Variants in TRPS1 observed in about 807,000 individuals in gnomAD.
TRPS1 encodes transcriptional repressor GATA binding 1, also known as zinc finger transcription factor Trps1.
TRPS1 carries 6 observed loss-of-function variants against 101.2 expected under a neutral mutation model. That is an observed-to-expected ratio of 0.06 (90% CI 0.03 to 0.12). The LOEUF (loss-of-function observed/expected upper bound fraction) is 0.12, where lower values mean the gene tolerates loss of function less well. Ranked by LOEUF, TRPS1 falls within the 10% of genes least tolerant of loss-of-function variation. The pLI is 1.00. For synonymous variants in TRPS1, 578 were observed against 589.8 expected, an observed-to-expected ratio of 0.98 and a Z score of 0.29; for missense variants, 1,363 against 1,567.0, an observed-to-expected ratio of 0.87 and a Z score of 2.20.
At chr8:115,574,985 A>T (rs1817283675) in intron 5 of TRPS1, among the ~76,000 whole-genome samples, 1 of 152,152 alleles carries the variant, frequency 6.6e-6, no homozygotes, top group East Asian at 1.9e-4. Context: ...ATGGAAGCCA[A>T]GAAATAATAC....
At chr8:115,614,925 A>G (rs1818244940) in intron 3 of TRPS1, among the ~76,000 whole-genome samples, 1 of 152,182 alleles carries the variant, frequency 6.6e-6, no homozygotes, top group South Asian at 2.1e-4. Context: ...CATGTTAAAG[A>G]TCTATAAACT....
chr8:115,552,391 A>G (rs1287871374), intron 5 of TRPS1, among the ~76,000 whole-genome samples: 3 of 152,146 alleles, frequency 2.0e-5, no homozygotes, highest in African/African-American at 4.8e-5. Context: ...AAAAAAATGA[A>G]AAGATATTCT....
intron 5 of TRPS1, among the ~76,000 whole-genome samples, chr8:115,535,731 G>T (rs1393442525): frequency 6.6e-6 from 1 of 150,398 alleles, no homozygotes; most frequent in Non-Finnish European, 1.5e-5. Context: ...TATATGCTAA[G>T]TTTTTTCATA....
chr8:115,659,463 T>C lies in TRPS1; in HGVS notation c.-122+9082A>G, dbSNP rs148403395. ...AGGTAAAACATATCATTTTAAAAGA[T>C]CTCAAAGGTATATCAAAAAATAATC... On this transcript the variant is annotated intron_variant, in intron 1 of 6. Transcript: ENST00000395715. Among the ~76,000 whole-genome samples, 372 of 151,818 alleles carry C rather than the reference T, an allele frequency of 2.5e-3. 5 individuals are homozygous for C. Among genetic ancestry groups the C allele is most frequent in the African/African-American group, 8.1e-3 (338 of 41,488 alleles).
At chr8:115,594,634 T>G (rs1817747919) in intron 4 of TRPS1, among the ~76,000 whole-genome samples, 1 of 152,032 alleles carries the variant, frequency 6.6e-6, no homozygotes, top group Non-Finnish European at 1.5e-5. Flanking sequence ...TCTTATCTAC[T>G]TTATAGAATT....
intron 5 of TRPS1, among the ~76,000 whole-genome samples, chr8:115,579,995 T>C (rs1414846756): frequency 6.6e-6 from 1 of 152,074 alleles, no homozygotes; most frequent in Non-Finnish European, 1.5e-5. Context: ...TCCTTGTATT[T>C]GTAAATTATA....
At chr8:115,473,865 G>C (rs1434285878) in intron 5 of TRPS1, among the ~76,000 whole-genome samples, 1 of 152,146 alleles carries the variant, frequency 6.6e-6, no homozygotes, top group Non-Finnish European at 1.5e-5. Flanking sequence ...TATGATTTAT[G>C]TAAGTTTCAT....
intron 5 of TRPS1, among the ~76,000 whole-genome samples, chr8:115,511,842 G>C (rs1299708439): frequency 1.3e-5 from 2 of 151,706 alleles, no homozygotes; most frequent in Non-Finnish European, 2.9e-5. Context: ...AACTATATGT[G>C]GTAGAGGACA....
At chr8:115,587,982 G>A (rs960453499) in intron 4 of TRPS1, among the ~76,000 whole-genome samples, 3 of 152,164 alleles carry the variant, frequency 2.0e-5, no homozygotes, top group African/African-American at 7.2e-5. Context: ...CTTGATAGAT[G>A]CAGTTTACCC....
At chr8:115,581,186 G>C (rs1191460696) in intron 5 of TRPS1, among the ~76,000 whole-genome samples, 1 of 151,248 alleles carries the variant, frequency 6.6e-6, no homozygotes, top group Admixed American at 6.6e-5. Context: ...CTTATATGTG[G>C]AAGCTAAAAA....
intron 5 of TRPS1, among the ~76,000 whole-genome samples, chr8:115,450,985 A>C (rs895120344): frequency 6.6e-5 from 10 of 152,236 alleles, no homozygotes; most frequent in East Asian, 5.8e-4. Flanking sequence ...CTGTTACCCC[A>C]AAAGTGTACA....
In TRPS1 at chr8:115,455,210, T is replaced by C. The variant is rs78619034; in HGVS notation, c.2701-36758A>G. 2.3e-3 allele frequency among the ~76,000 whole-genome samples: 353 copies of C among 152,298 alleles called. 2 individuals carry two copies. Among genetic ancestry groups the C allele is most frequent in the Non-Finnish European group, 4.1e-3 (277 of 68,026 alleles). The stretch of plus-strand genomic sequence containing the variant: ...AAGAAATGTAAATAACTGTGTAAAA[T>C]CTCAGGTTGTAGCACTGCCTGCAAC... On this transcript the variant is annotated intron_variant, in intron 5 of 6. Coordinates refer to ENST00000395715, the MANE Select transcript of TRPS1 (RefSeq NM_014112.5).
intron 5 of TRPS1, among the ~76,000 whole-genome samples, chr8:115,503,292 A>G (rs1211944215): frequency 6.6e-6 from 1 of 151,824 alleles, no homozygotes; most frequent in Non-Finnish European, 1.5e-5. Flanking sequence ...CTACTTAAAG[A>G]TGCCACACCA....
intron 5 of TRPS1, among the ~76,000 whole-genome samples, chr8:115,488,551 T>C (rs934282253): frequency 6.6e-6 from 1 of 152,162 alleles, no homozygotes; most frequent in Non-Finnish European, 1.5e-5. Context: ...GATGTACGCC[T>C]GTAGTCCCAG....
At chr8:115,602,332 G>A (rs1439684193) in intron 4 of TRPS1, among the ~76,000 whole-genome samples, 3 of 152,126 alleles carry the variant, frequency 2.0e-5, no homozygotes, top group African/African-American at 7.2e-5. Flanking sequence ...CATGCACAAT[G>A]TGCACATACA....
At chr8:115,654,203 T>C (rs1290814567) in intron 1 of TRPS1, among the ~76,000 whole-genome samples, 2 of 150,968 alleles carry the variant, frequency 1.3e-5, no homozygotes, top group Non-Finnish European at 2.9e-5. Flanking sequence ...ATCCATATTG[T>C]ACTGTGAAGT....
chr8:115,493,646 G>A (rs989861659), intron 5 of TRPS1, among the ~76,000 whole-genome samples: 6 of 152,036 alleles, frequency 3.9e-5, no homozygotes, highest in Non-Finnish European at 5.9e-5. Context: ...ACCACGCCCC[G>A]CCTATAAAGC....
At chr8:115,504,093 C>T (rs979246285) in intron 5 of TRPS1, among the ~76,000 whole-genome samples, 1 of 152,178 alleles carries the variant, frequency 6.6e-6, no homozygotes, top group Non-Finnish European at 1.5e-5. Context: ...ATTCCCTAAA[C>T]CTTCTCATTT....
rs1229655328 is a variant in TRPS1 at position 115,410,915 on chromosome 8, C to T, written c.*3108G>A. Reference sequence around the variant, plus strand: ...TTCCTCATTAAAAAAAGTTCCGTACCATAATAGCTCGTTTAAAATCACAAT... The same window carrying T: ...TTCCTCATTAAAAAAAGTTCCGTACTATAATAGCTCGTTTAAAATCACAAT... On this transcript the variant is annotated 3_prime_UTR_variant, in exon 7 of 7. Transcript: ENST00000395715. The T allele has an allele frequency of 1.3e-5, 2 of 151,426 alleles. No homozygotes were observed. The highest frequency in any genetic ancestry group is 4.9e-5 in the African/African-American group (2 of 41,220). The allele number at this position is 151,426 out of a possible 1,614,324, so 9.4% of individuals were successfully genotyped here.
Sources: gnomAD v4.1 joint callset for allele counts (sites outside exome capture counted in the v4.1 genomes callset) on GRCh38, gnomAD v4.1.1 for gene constraint, MANE v1.5 for transcripts, NCBI Gene and HGNC (gene_info 2026-07-23, HGNC 2026-07-21) for gene names.